Variants in FMNL2 observed in about 807,000 individuals in gnomAD.
FMNL2 encodes the protein formin like 2, also known as formin-like protein 2.
Under a neutral mutation model 130.2 loss-of-function variants are expected in FMNL2, and 51 were observed. That is an observed-to-expected ratio of 0.39 (90% CI 0.31 to 0.49). The LOEUF (loss-of-function observed/expected upper bound fraction) is 0.49, where lower values mean the gene tolerates loss of function less well. Ranked by LOEUF, FMNL2 falls within the 20% of genes least tolerant of loss-of-function variation. The pLI, the probability that FMNL2 is intolerant of heterozygous loss-of-function variation, is 0.85. For missense variants in FMNL2, 977 were observed against 1,316.2 expected (o/e 0.74, Z 3.99); for synonymous variants, 465 against 467.1 (o/e 1.00, Z 0.06).
rs544974314 is a variant in FMNL2, at chr2:152,444,020, G to A, written c.118-77923G>A. Reference sequence around the variant, plus strand: ...GGCCAGGCTCTACGCTAGACACTGAGGGTTCAACCATGACTGAGATTTTCT... The same window carrying A: ...GGCCAGGCTCTACGCTAGACACTGAAGGTTCAACCATGACTGAGATTTTCT... On this transcript the variant is annotated intron_variant, in intron 1 of 25. Coordinates refer to ENST00000288670, the MANE Select transcript of FMNL2 (RefSeq NM_052905.4). Among the ~76,000 whole-genome samples, 52 of 152,280 alleles carry A rather than the reference G, an allele frequency of 3.4e-4. 1 individual carries two copies. The South Asian group carries it at 0.01, about 30-fold the overall frequency.
chr2:152,532,434 G>A (rs2346182), intron 2 of FMNL2, among the ~76,000 whole-genome samples: 1 of 151,808 alleles, frequency 6.6e-6, no homozygotes, highest in South Asian at 2.1e-4. Flanking sequence ...TTGTCAGTCC[G>A]TTAAAATTCT....
chr2:152,626,538 A>T lies in FMNL2; in HGVS notation c.1976A>T (p.Asp659Val), dbSNP rs1455433258. The change falls in exon 17 of 26, where the codon GAT becomes GTT. Residue 659 changes from aspartate (D) to valine (V), a missense_variant. By Grantham distance (152) the Asp-to-Val change is radical. Around this residue, in one of 4 missense-constraint regions of FMNL2, gnomAD observed 689 missense variants for 995.9 expected, o/e 0.69. Coordinates refer to ENST00000288670, the MANE Select transcript of FMNL2 (RefSeq NM_052905.4). ...TCTCTATCTTAGGATTTAAATGTGGATGAATTTGAGGAAATATTCAAGACA... is the reference window on the plus strand; with the variant it reads ...TCTCTATCTTAGGATTTAAATGTGGTTGAATTTGAGGAAATATTCAAGACA... ...DERILEDLNV[D>V]EFEEIFKTKA... is the part of the protein sequence containing the mutation. 6.2e-7 allele frequency: 1 copy of T among 1,606,114 alleles called. No homozygotes were observed. The highest frequency in any genetic ancestry group is 1.1e-5 in the South Asian group (1 of 89,408).
chr2:152,601,303 C>CTTTTTTTTT (rs10567754), intron 9 of FMNL2, among the ~76,000 whole-genome samples: 1 of 134,736 alleles, frequency 7.4e-6, no homozygotes, highest in Non-Finnish European at 1.6e-5. Flanking sequence ...TTTCTTTTTT[C>CTTTTTTTTT]TTTTTTTTTT....
chr2:152,630,292 A>G (rs1245849639), intron 20 of FMNL2, among the ~76,000 whole-genome samples: 2 of 152,232 alleles, frequency 1.3e-5, no homozygotes, highest in African/African-American at 4.8e-5. Context: ...TTGTGTTTAG[A>G]AAAGAAAGCA....
intron 6 of FMNL2, among the ~76,000 whole-genome samples, chr2:152,573,872 G>T (rs1313263550): frequency 2.0e-5 from 3 of 152,060 alleles, no homozygotes; most frequent in Non-Finnish European, 2.9e-5. Flanking sequence ...ATGTTAATAA[G>T]TATGTATGTG....
At chr2:152,388,915 C>T (rs1226108930) in intron 1 of FMNL2, among the ~76,000 whole-genome samples, 1 of 152,136 alleles carries the variant, frequency 6.6e-6, no homozygotes, top group Non-Finnish European at 1.5e-5. Context: ...AAGCAGTCAC[C>T]TCAGTCCTCA....
chr2:152,554,229 A>T (rs115783571), intron 4 of FMNL2, among the ~76,000 whole-genome samples: 323 of 152,302 alleles, frequency 2.1e-3, no homozygotes, highest in Non-Finnish European at 3.8e-3. Context: ...TAACATGGTG[A>T]ACCCCTGTCT....
At chr2:152,398,887 TG>T (rs527478255) in intron 1 of FMNL2, among the ~76,000 whole-genome samples, 172 of 152,222 alleles carry the variant, frequency 1.1e-3, no homozygotes, top group African/African-American at 3.6e-3. Context: ...AGAAGGCAAT[TG>T]TATTTGGTTT....
At chr2:152,491,097 G>A (rs1365493302) in intron 1 of FMNL2, among the ~76,000 whole-genome samples, 2 of 152,046 alleles carry the variant, frequency 1.3e-5, no homozygotes, top group African/African-American at 4.8e-5. Flanking sequence ...CCCTCTTTTG[G>A]TGTTGCTATT....
rs991544722 is a variant in FMNL2 at position 152,335,589 on chromosome 2, C to G, written c.-15C>G. 4.4e-6 allele frequency: 7 copies of G among 1,579,608 alleles called. No individual in the cohort carries two copies. The highest frequency in any genetic ancestry group is 1.4e-5 in the African/African-American group (1 of 71,042). On this transcript the variant is annotated 5_prime_UTR_variant, in exon 1 of 26. Transcript: ENST00000288670. ...AGGGGCCCGGAGCAGCCCCCGGCCC[C>G]GGCGCGCCGCCGACATGGGCAACGC...
intron 2 of FMNL2, among the ~76,000 whole-genome samples, chr2:152,522,495 C>G (rs1490701993): frequency 6.6e-6 from 1 of 152,120 alleles, no homozygotes; most frequent in African/African-American, 2.4e-5. Flanking sequence ...TGTGTCCCCA[C>G]TCAAATCTCA....
intron 1 of FMNL2, among the ~76,000 whole-genome samples, chr2:152,498,080 G>A (rs1271978236): frequency 2.6e-5 from 4 of 152,154 alleles, no homozygotes; most frequent in Admixed American, 2.6e-4. Context: ...ACCCACCCAG[G>A]ATAATCCCCT....
At chr2:152,572,550 T>C (rs947079485) in intron 6 of FMNL2, among the ~76,000 whole-genome samples, 1 of 152,158 alleles carries the variant, frequency 6.6e-6, no homozygotes, top group Non-Finnish European at 1.5e-5. Flanking sequence ...TGGCTCATGC[T>C]TTTAATCCCA....
intron 1 of FMNL2, among the ~76,000 whole-genome samples, chr2:152,502,041 A>G (rs1323637514): frequency 3.9e-5 from 6 of 152,240 alleles, no homozygotes; most frequent in Non-Finnish European, 4.4e-5. Context: ...GAAAATGTTG[A>G]TGCCTTAACT....
At chr2:152,504,569 T>C (rs1022839090) in intron 1 of FMNL2, among the ~76,000 whole-genome samples, 3 of 152,108 alleles carry the variant, frequency 2.0e-5, no homozygotes, top group African/African-American at 4.8e-5. Context: ...TAAAAACCTG[T>C]TTAGTGTCTC....
At chr2:152,577,871 G>A (rs553965024) in intron 7 of FMNL2, among the ~76,000 whole-genome samples, 1 of 152,194 alleles carries the variant, frequency 6.6e-6, no homozygotes, top group Admixed American at 6.5e-5. Context: ...GAGTTTTGCT[G>A]TAAAGGATAG....
At chr2:152,540,046 T>C (rs1694218828) in intron 2 of FMNL2, among the ~76,000 whole-genome samples, 1 of 152,164 alleles carries the variant, frequency 6.6e-6, no homozygotes, top group African/African-American at 2.4e-5. Context: ...GCTGTGATTG[T>C]GCCACTGCAT....
At chr2:152,452,231 G>A (rs1688685440) in intron 1 of FMNL2, among the ~76,000 whole-genome samples, 1 of 152,220 alleles carries the variant, frequency 6.6e-6, no homozygotes, top group South Asian at 2.1e-4. Context: ...GTGATAGATT[G>A]TGAAGAAAAA....
chr2:152,618,842 G>T lies in FMNL2; in HGVS notation c.1315-4G>T, dbSNP rs1699084895. 4 of 1,580,932 alleles carry T rather than the reference G, an allele frequency of 2.5e-6. No individual in the cohort carries two copies. The highest frequency in any genetic ancestry group is 3.4e-6 in the Non-Finnish European group (4 of 1,164,778). On this transcript the variant is annotated splice_region_variant and splice_polypyrimidine_tract_variant and intron_variant, in intron 13 of 25. Coordinates refer to ENST00000288670, the MANE Select transcript of FMNL2 (RefSeq NM_052905.4). Reference sequence around the variant, plus strand: ...TAAACTCTTGACCTTGGACTTTATTGCAGGAAATCTACAAAGATGCAAATA... The same window carrying T: ...TAAACTCTTGACCTTGGACTTTATTTCAGGAAATCTACAAAGATGCAAATA...
Sources: allele counts gnomAD v4.1 joint callset (sites outside exome capture counted in the v4.1 genomes callset), GRCh38; gene constraint gnomAD v4.1.1; regional missense constraint gnomAD v4.1.1; transcripts MANE v1.5; gene names NCBI Gene and HGNC (gene_info 2026-07-23, HGNC 2026-07-21).